Variants in ARHGAP31 observed in about 807,000 individuals in gnomAD.
ARHGAP31 encodes the protein Rho GTPase activating protein 31.
A neutral mutation model predicts 113.9 loss-of-function variants in ARHGAP31; 34 were observed. The ratio of observed to expected loss-of-function variants is 0.30; its 90% confidence interval spans 0.23 to 0.40. ARHGAP31 has a LOEUF of 0.40. ARHGAP31 is among the 10% of genes least tolerant of loss of function. ARHGAP31 has a pLI of 1.00. For missense variants in ARHGAP31, 1,548 were observed against 1,767.1 expected, an observed-to-expected ratio of 0.88 and a Z score of 2.22; for synonymous variants, 650 against 684.8, an observed-to-expected ratio of 0.95 and a Z score of 0.79.
At chr3:119,402,968 C>T (rs1240852593) in intron 10 of ARHGAP31, among the ~76,000 whole-genome samples, 2 of 152,204 alleles carry the variant, frequency 1.3e-5, no homozygotes, top group African/African-American at 4.8e-5. Context: ...TTGGATCTGC[C>T]TGAGTCCCAT....
intron 3 of ARHGAP31, among the ~76,000 whole-genome samples, chr3:119,376,798 T>C (rs947383089): frequency 1.3e-5 from 2 of 150,058 alleles, no homozygotes; most frequent in Non-Finnish European, 2.9e-5. Flanking sequence ...GGCAGACAAC[T>C]AACACCTTGC....
chr3:119,390,799 ATGAAGAGCC>A lies in ARHGAP31; in HGVS notation c.701_709del (p.Lys234_Leu236del). The A allele has an allele frequency of 6.2e-7, 1 of 1,612,648 alleles. No individual in the cohort carries two copies. The highest frequency in any genetic ancestry group is 2.2e-5 in the East Asian group (1 of 44,872). ...TGCCTTTACAGAAAACCGGCCCATC[ATGAAGAGCC>A]TGACCTTGCCAGCCCTCTCCCTGCC... On this transcript the variant is annotated inframe_deletion, in exon 7 of 12. Coordinates refer to ENST00000264245, the MANE Select transcript of ARHGAP31 (RefSeq NM_020754.4).
intron 6 of ARHGAP31, among the ~76,000 whole-genome samples, chr3:119,386,900 A>G (rs371071811): frequency 1.3e-5 from 2 of 152,158 alleles, no homozygotes; most frequent in East Asian, 1.9e-4. Context: ...GACTATTAGT[A>G]TTTTCACTAA....
chr3:119,355,594 G>A (rs185080081), intron 1 of ARHGAP31, among the ~76,000 whole-genome samples: 158 of 151,546 alleles, frequency 1.0e-3, no homozygotes, highest in African/African-American at 3.6e-3. Context: ...TCATTAACTC[G>A]TCATTTGCAT....
chr3:119,407,726 A>G (rs1036648318), intron 10 of ARHGAP31, among the ~76,000 whole-genome samples: 6 of 152,190 alleles, frequency 3.9e-5, no homozygotes, highest in African/African-American at 1.4e-4. Flanking sequence ...GTCTTGAAGA[A>G]TGGGTTAGAT....
intron 1 of ARHGAP31, among the ~76,000 whole-genome samples, chr3:119,354,098 G>A (rs2107617853): frequency 6.6e-6 from 1 of 152,334 alleles, no homozygotes; most frequent in Non-Finnish European, 1.5e-5. Flanking sequence ...AATGAGGAGG[G>A]CAGGGACCCC....
chr3:119,366,257 T>A (rs1401812985), intron 2 of ARHGAP31, among the ~76,000 whole-genome samples: 3 of 151,320 alleles, frequency 2.0e-5, no homozygotes, highest in Admixed American at 6.6e-5. Context: ...TGTTCTTTAG[T>A]TATAAATGTA....
chr3:119,311,346 T>G (rs904771189), intron 1 of ARHGAP31, among the ~76,000 whole-genome samples: 1 of 152,166 alleles, frequency 6.6e-6, no homozygotes, highest in African/African-American at 2.4e-5. Context: ...ATTCCTTGAC[T>G]CATGTCACCT....
rs1431719254 is a variant in ARHGAP31, at chr3:119,365,372, G to A, written c.157G>A (p.Gly53Arg). ...EFIETHGIVD[G>R]IYRLSGVTSN... is the part of the protein sequence containing the mutation. ...TATAGAGACTCACGGCATCGTGGATGGAATCTATCGGCTTTCAGGAGTCAC... is the reference window on the plus strand; with the variant it reads ...TATAGAGACTCACGGCATCGTGGATAGAATCTATCGGCTTTCAGGAGTCAC... Residue 53 changes from glycine to arginine, a missense_variant, in exon 2 of 12, where the codon GGA becomes AGA. Coordinates refer to ENST00000264245, the MANE Select transcript of ARHGAP31 (RefSeq NM_020754.4). The A allele has an allele frequency of 6.2e-7, 1 of 1,614,130 alleles. No homozygotes were observed. Among genetic ancestry groups the A allele is most frequent in the Non-Finnish European group, 8.5e-7 (1 of 1,180,012 alleles).
chr3:119,412,648 T>G lies in ARHGAP31; in HGVS notation c.1927-1208T>G, dbSNP rs59065203. Among the ~76,000 whole-genome samples the G allele has an allele frequency of 4.8e-3, 732 of 152,320 alleles. 37 individuals are homozygous for G. The East Asian group carries it at 0.12, about 25-fold the overall frequency. ...GTTATCTGTGGGGAGTAAGGATGTA[T>G]GATTTTGATGTCTTTGTATTTGCCT... On this transcript the variant is annotated intron_variant, in intron 11 of 11. Coordinates refer to ENST00000264245, the MANE Select transcript of ARHGAP31 (RefSeq NM_020754.4).
At chr3:119,310,317 C>T (rs1364567429) in intron 1 of ARHGAP31, among the ~76,000 whole-genome samples, 2 of 152,140 alleles carry the variant, frequency 1.3e-5, no homozygotes, top group African/African-American at 4.8e-5. Flanking sequence ...CTGTGGTCAC[C>T]CAGTGGTGTG....
chr3:119,411,414 C>T (rs996461113), intron 11 of ARHGAP31, among the ~76,000 whole-genome samples: 2 of 152,102 alleles, frequency 1.3e-5, no homozygotes, highest in Non-Finnish European at 2.9e-5. Flanking sequence ...GTAGAATGGA[C>T]AGGACTTGTT....
At chr3:119,337,296 T>C (rs2079963049) in intron 1 of ARHGAP31, among the ~76,000 whole-genome samples, 3 of 152,178 alleles carry the variant, frequency 2.0e-5, no homozygotes, top group Admixed American at 2.0e-4. Flanking sequence ...GCTGCAGACC[T>C]TTGCGTTGAG....
chr3:119,319,337 G>A (rs2079762350), intron 1 of ARHGAP31, among the ~76,000 whole-genome samples: 1 of 151,766 alleles, frequency 6.6e-6, no homozygotes, highest in African/African-American at 2.4e-5. Context: ...TTATGTTGGT[G>A]TTTTGATTTT....
At chr3:119,337,336 G>A (rs1158251104) in intron 1 of ARHGAP31, among the ~76,000 whole-genome samples, 2 of 152,090 alleles carry the variant, frequency 1.3e-5, no homozygotes, top group Non-Finnish European at 1.5e-5. Context: ...GGCGCGTCCA[G>A]AGTTGTTCTT....
intron 3 of ARHGAP31, among the ~76,000 whole-genome samples, chr3:119,370,819 C>G (rs1198813649): frequency 2.0e-5 from 3 of 152,108 alleles, no homozygotes; most frequent in African/African-American, 7.2e-5. Context: ...CATTTTTTCA[C>G]CTATATTTTT....
At chr3:119,312,301 C>G (rs1279505432) in intron 1 of ARHGAP31, among the ~76,000 whole-genome samples, 1 of 152,132 alleles carries the variant, frequency 6.6e-6, no homozygotes, top group Non-Finnish European at 1.5e-5. Context: ...AAACTTTGTT[C>G]CATTTATTTA....
At chr3:119,316,531 G>T (rs578144113) in intron 1 of ARHGAP31, among the ~76,000 whole-genome samples, 1 of 152,186 alleles carries the variant, frequency 6.6e-6, no homozygotes, top group Non-Finnish European at 1.5e-5. Context: ...GAAATCCCTG[G>T]CCAGCTGCCT....
chr3:119,295,919 A>G (rs1163019157), intron 1 of ARHGAP31, among the ~76,000 whole-genome samples: 1 of 152,206 alleles, frequency 6.6e-6, no homozygotes, highest in East Asian at 1.9e-4. Context: ...CTCCTTTTGT[A>G]AGGTTGACTG....
Sources: gnomAD v4.1 joint callset for allele counts (sites outside exome capture counted in the v4.1 genomes callset) on GRCh38, gnomAD v4.1.1 for gene constraint, MANE v1.5 for transcripts, NCBI Gene and HGNC (gene_info 2026-07-23, HGNC 2026-07-21) for gene names.